CDH9: variants seen among roughly 807,000 people sequenced by gnomAD.
The protein encoded by CDH9 is cadherin 9, also known as cadherin-9.
In CDH9, 28 loss-of-function variants were observed where a neutral mutation model predicts 70.9. That is an observed-to-expected ratio of 0.40 (90% CI 0.29 to 0.54). The LOEUF (loss-of-function observed/expected upper bound fraction) is 0.54, where lower values mean the gene tolerates loss of function less well. Among genes scored for constraint, CDH9 ranks in the 20% least tolerant of loss-of-function variants. CDH9 has a pLI of 0.59. For missense variants in CDH9, 874 were observed against 984.4 expected, an observed-to-expected ratio of 0.89 and a Z score of 1.50; for synonymous variants, 409 against 343.1, an observed-to-expected ratio of 1.19 and a Z score of -2.12.
At chr5:27,016,661 C>T (rs918224153) in intron 1 of CDH9, among the ~76,000 whole-genome samples, 4 of 151,446 alleles carry the variant, frequency 2.6e-5, no homozygotes, top group South Asian at 4.2e-4. Flanking sequence ...AATTTAAAAC[C>T]GATATGCAAA....
At chr5:26,899,659 G>A (rs1436652073) in intron 7 of CDH9, among the ~76,000 whole-genome samples, 3 of 151,770 alleles carry the variant, frequency 2.0e-5, no homozygotes, top group Non-Finnish European at 4.4e-5. Context: ...GGTAAATGGA[G>A]TTGAACAATG....
chr5:26,922,032 A>G (rs1741253617), intron 2 of CDH9, among the ~76,000 whole-genome samples: 1 of 151,872 alleles, frequency 6.6e-6, no homozygotes, highest in African/African-American at 2.4e-5. Flanking sequence ...AGTCCAAAAA[A>G]AAAAAAAAGA....
chr5:26,941,636 G>T (rs1267730829), intron 2 of CDH9, among the ~76,000 whole-genome samples: 1 of 152,204 alleles, frequency 6.6e-6, no homozygotes, highest in Admixed American at 6.5e-5. Flanking sequence ...CCCTGCAACA[G>T]AAACTGTTAC....
chr5:26,899,405 G>T (rs1462512216), intron 7 of CDH9, among the ~76,000 whole-genome samples: 1 of 152,070 alleles, frequency 6.6e-6, no homozygotes, highest in South Asian at 2.1e-4. Flanking sequence ...CAATAGCAAA[G>T]ACTTGGACCA....
At chr5:26,962,325 T>A (rs1030079646) in intron 2 of CDH9, among the ~76,000 whole-genome samples, 6 of 152,312 alleles carry the variant, frequency 3.9e-5, no homozygotes, top group African/African-American at 1.2e-4. Flanking sequence ...TTATAATCCT[T>A]TGGGTATATA....
rs1329171440 is a variant in CDH9, at chr5:26,902,590, G to T, written c.1139C>A (p.Pro380His). 1 of 1,600,958 alleles carries T rather than the reference G, an allele frequency of 6.2e-7. No homozygotes were observed. The highest frequency in any genetic ancestry group is 1.7e-4 in the Middle Eastern group (1 of 6,030). Residue 380 changes from proline (P) to histidine (H), a missense_variant, in exon 7 of 12, where the codon CCT becomes CAT. Pro to His is a moderately conservative substitution (Grantham distance 77). Transcript: ENST00000231021. Reference protein sequence around the residue: ...VKISVEDIDEPPVFTKVSYLI... With the variant: ...VKISVEDIDEHPVFTKVSYLI... ...GTAAGAGACTTTAGTGAACACAGGA[G>T]GCTCATCTATATCTTCCACAGATAT...
chr5:26,940,371 C>T (rs3928543), intron 2 of CDH9, among the ~76,000 whole-genome samples: 149,960 of 152,242 alleles, frequency 0.99, 73,904 homozygotes, highest in Middle Eastern at 1. Flanking sequence ...CCTATAGTAG[C>T]AGTTAAAAAG....
chr5:26,951,092 G>A (rs913687438), intron 2 of CDH9, among the ~76,000 whole-genome samples: 1 of 151,862 alleles, frequency 6.6e-6, no homozygotes, highest in Non-Finnish European at 1.5e-5. Context: ...AGGAGTTCGA[G>A]GCAAGCCTGA....
At position 26,910,836 on chromosome 5, in the gene CDH9, C is replaced by T. The variant is rs1023794018; in HGVS notation, c.524-3998G>A. Among the ~76,000 whole-genome samples the T allele has an allele frequency of 1.5e-4, 23 of 152,280 alleles. 1 individual carries two copies. In the East Asian group the frequency reaches 2.9e-3, roughly 19 times the overall value. On this transcript the variant is annotated intron_variant, in intron 3 of 11. Transcript: ENST00000231021. ...TGACAGAGTCAACTGTTTTCTTCTG[C>T]CATAGGGCGATGACAGCCACTAATT... is the stretch of plus-strand genomic sequence containing the variant.
At chr5:27,031,736 A>G (rs1399626289) in intron 1 of CDH9, among the ~76,000 whole-genome samples, 2 of 151,784 alleles carry the variant, frequency 1.3e-5, no homozygotes, top group African/African-American at 2.4e-5. Context: ...CAATGGCAAC[A>G]TTTTTCAATG....
intron 2 of CDH9, among the ~76,000 whole-genome samples, chr5:26,926,121 G>T (rs373467373): frequency 6.6e-6 from 1 of 152,066 alleles, no homozygotes; most frequent in African/African-American, 2.4e-5. Flanking sequence ...TAAATAAAGC[G>T]TATTCAATTA....
chr5:27,034,464 A>G (rs1468221218), intron 1 of CDH9, among the ~76,000 whole-genome samples: 2 of 151,920 alleles, frequency 1.3e-5, no homozygotes, highest in Middle Eastern at 3.4e-3. Flanking sequence ...CTAAATTAAT[A>G]GGATAGAAAA....
At chr5:27,034,072 A>G (rs906425791) in intron 1 of CDH9, among the ~76,000 whole-genome samples, 5 of 151,750 alleles carry the variant, frequency 3.3e-5, no homozygotes, top group Non-Finnish European at 7.4e-5. Flanking sequence ...TGTGTTAATA[A>G]TATATAAAGT....
At chr5:26,902,943 T>C in intron 6 of CDH9, 1 of 448,342 alleles carries the variant, frequency 2.2e-6, no homozygotes, top group South Asian at 3.5e-5. Context: ...GGCATACACA[T>C]TGAGATTGAT....
At chr5:26,967,007 G>T (rs566234885) in intron 2 of CDH9, among the ~76,000 whole-genome samples, 1 of 151,958 alleles carries the variant, frequency 6.6e-6, no homozygotes, top group African/African-American at 2.4e-5. Context: ...ATCACAGCTC[G>T]TTGCAGCCTG....
chr5:26,881,424 A>C lies in CDH9; in HGVS notation c.2082T>G (p.Pro694=). 6.2e-7 allele frequency: 1 copy of C among 1,613,420 alleles called. No individual in the cohort carries two copies. Among genetic ancestry groups the C allele is most frequent in the Non-Finnish European group, 8.5e-7 (1 of 1,179,456 alleles). Residue 694 remains proline, a synonymous_variant, in exon 12 of 12, where the codon CCT becomes CCG. Transcript: ENST00000231021. The part of the protein sequence containing the change: ...EDSKLRRDVM[P]ETIFQIRRTV... Reference sequence around the variant, plus strand: ...TCCTCCTTATCTGAAAAATAGTTTCAGGCATTACATCCCGTCTAAGTTTAC... The same window carrying C: ...TCCTCCTTATCTGAAAAATAGTTTCCGGCATTACATCCCGTCTAAGTTTAC...
chr5:26,915,522 A>C, intron 3 of CDH9, 108 bp downstream of exon 3: 1 of 673,060 alleles, frequency 1.5e-6, no homozygotes, highest in Non-Finnish European at 2.6e-6. Flanking sequence ...GTTAACAGTT[A>C]TAACTCTTAT....
chr5:26,949,273 G>C (rs1741805104), intron 2 of CDH9, among the ~76,000 whole-genome samples: 1 of 152,156 alleles, frequency 6.6e-6, no homozygotes. Flanking sequence ...GAGTGGAGGT[G>C]AGAAGGGGCA....
intron 1 of CDH9, among the ~76,000 whole-genome samples, chr5:26,990,810 T>C (rs959630316): frequency 6.6e-6 from 1 of 152,184 alleles, no homozygotes; most frequent in African/African-American, 2.4e-5. Flanking sequence ...AGAATTTGTT[T>C]TGATCATTGA....
Sources: allele counts gnomAD v4.1 joint callset (sites outside exome capture counted in the v4.1 genomes callset), GRCh38; gene constraint gnomAD v4.1.1; transcripts MANE v1.5; gene names NCBI Gene and HGNC (gene_info 2026-07-23, HGNC 2026-07-21).